Variants in TELO2 observed in about 807,000 individuals in gnomAD.
The protein encoded by TELO2 is telomere length regulation protein TEL2 homolog.
TELO2 carries 71 observed loss-of-function variants against 91.0 expected under a neutral mutation model. The ratio of observed to expected loss-of-function variants is 0.78; its 90% CI spans 0.64 to 0.95. TELO2 has a LOEUF of 0.95. Ranked by LOEUF, TELO2 falls within the 40% of genes least tolerant of loss-of-function variation. The probability of loss-of-function intolerance (pLI) is 0.00; values close to 1 mark genes in which losing one functional copy is unlikely to be tolerated. For missense variants in TELO2, 1,183 were observed against 1,141.3 expected (o/e 1.04, Z -0.53); for synonymous variants, 584 against 518.9 (o/e 1.13, Z -1.71).
chr16:1,494,118 G>A lies in TELO2; in HGVS notation c.-36-128G>A, dbSNP rs2039395656. 1.6e-6 allele frequency: 1 copy of A among 634,156 alleles called. No individual in the cohort carries two copies. The highest frequency in any genetic ancestry group is 2.0e-5 in the South Asian group (1 of 50,916). The allele number at this position is 634,156 out of a possible 1,614,324, so 39.3% of individuals were successfully genotyped here. On this transcript the variant is annotated intron_variant, in intron 1 of 20. Transcript: ENST00000262319. The surrounding 1 kb of genome is among the most constrained non-coding windows in gnomAD (Gnocchi z 5.6). The stretch of plus-strand genomic sequence containing the variant: ...AAACCGGCAGGCACTGGAGGGGAAG[G>A]AGGCGGGACAGGGTTGGGTGGGACC...
In TELO2 at chr16:1,497,205, AG is replaced by A; in HGVS notation, c.682+104del. 1.9e-6 allele frequency: 3 copies of A among 1,544,908 alleles called. No individual in the cohort carries two copies. The South Asian group carries it at 3.5e-5, about 18-fold the overall frequency. On this transcript the variant is annotated intron_variant, in intron 4 of 20. Coordinates refer to ENST00000262319, the MANE Select transcript of TELO2 (RefSeq NM_016111.4). This position sits in a 1 kb window ranked among gnomAD's most constrained non-coding sequence, Gnocchi z 4.0. ...ATCCCTCCTGACCCTGGCCCTCTGC[AG>A]GGTCCCCTTGCCCGGTCCTGTCCTG...
intron 10 of TELO2, 47 bp from the exon 11 acceptor site, chr16:1,501,616 A>G (rs2039682489): frequency 1.3e-6 from 2 of 1,578,876 alleles, no homozygotes; most frequent in South Asian, 1.1e-5. Context: ...CTGAGACCAG[A>G]GGCTCGAGGG....
At chr16:1,496,990 G>C (rs2039515121) in intron 3 of TELO2, 46 bp from the exon 4 acceptor site, 2 of 1,593,210 alleles carry the variant, frequency 1.3e-6, no homozygotes. Flanking sequence ...ATGTTCTTTT[G>C]TGCCTTCCCG....
At chr16:1,506,402 T>A (rs1387877390) in intron 17 of TELO2, 73 bp downstream of exon 17, 7 of 1,611,224 alleles carry the variant, frequency 4.3e-6, no homozygotes, top group South Asian at 2.2e-5. Flanking sequence ...GCCAAGAAGT[T>A]CGGGCTGGGA....
chr16:1,506,733 G>C (rs911066830), intron 17 of TELO2: 42 of 1,396,820 alleles, frequency 3.0e-5, no homozygotes, highest in Non-Finnish European at 3.8e-5. Flanking sequence ...GGGGGTCTCG[G>C]CGTTGGGAAC....
rs761788761 is a variant in TELO2 at position 1,497,431 on chromosome 16, C to T, written c.753C>T (p.Val251=). The part of the protein sequence containing the change: ...LTQGSYLHQR[V]CWRLVEQVPD... ...AGGGCAGCTACCTGCACCAGCGCGT[C>T]TGCTGGCGCCTGGTGGAGCAAGTGC... The change falls in exon 5 of 21, where the codon GTC becomes GTT. Residue 251 remains valine, a synonymous_variant. Transcript: ENST00000262319. This position sits in a 1 kb window ranked among gnomAD's most constrained non-coding sequence, Gnocchi z 4.0. The T allele has an allele frequency of 6.4e-6, 10 of 1,561,240 alleles. No individual in the cohort carries two copies. In the Middle Eastern group the frequency reaches 1.4e-3, roughly 211 times the overall value.
Position 1,505,258 on chromosome 16 carries a change from G to C in TELO2, c.1843-152G>C, listed in dbSNP as rs934718353. On this transcript the variant is annotated intron_variant, in intron 15 of 20. Transcript: ENST00000262319. The surrounding 1 kb of genome is among the most constrained non-coding windows in gnomAD (Gnocchi z 4.3). ...CCAAGGCGCGGTTGCTGTGAGCTAC[G>C]GGGAAGTGACTTTTCTCCTTGTTCC... The C allele has an allele frequency of 3.1e-5, 28 of 894,226 alleles. No homozygotes were observed. The African/African-American group carries it at 4.0e-4, about 13-fold the overall frequency. 55.4% of individuals were successfully genotyped at this position (894,226 alleles called of 1,614,324 possible). A position where few individuals can be genotyped will look rare whatever the true frequency, so the allele number is the denominator to read the frequency against.
chr16:1,500,793 G>C, intron 9 of TELO2, 94 bp downstream of exon 9: 4 of 1,529,162 alleles, frequency 2.6e-6, no homozygotes, highest in Non-Finnish European at 3.5e-6. Context: ...CTCTTCCCGG[G>C]GTCCAGACTT....
At position 1,497,208 on chromosome 16, in the gene TELO2, G is replaced by T. The variant is rs1355893909; in HGVS notation, c.682+104G>T. ...CCTCCTGACCCTGGCCCTCTGCAGGGTCCCCTTGCCCGGTCCTGTCCTGGG... is the reference window on the plus strand; with the variant it reads ...CCTCCTGACCCTGGCCCTCTGCAGGTTCCCCTTGCCCGGTCCTGTCCTGGG... On this transcript the variant is annotated intron_variant, in intron 4 of 20. Coordinates refer to ENST00000262319, the MANE Select transcript of TELO2 (RefSeq NM_016111.4). This position sits in a 1 kb window ranked among gnomAD's most constrained non-coding sequence, Gnocchi z 4.0. The T allele has an allele frequency of 6.5e-7, 1 of 1,537,496 alleles. No homozygotes were observed. Among genetic ancestry groups the T allele is most frequent in the African/African-American group, 1.4e-5 (1 of 72,968 alleles).
chr16:1,497,192 C>T lies in TELO2; in HGVS notation c.682+88C>T. ...CAGAAGGCCGAGAATCCCTCCTGACCCTGGCCCTCTGCAGGGTCCCCTTGC... is the reference window on the plus strand; with the variant it reads ...CAGAAGGCCGAGAATCCCTCCTGACTCTGGCCCTCTGCAGGGTCCCCTTGC... On this transcript the variant is annotated intron_variant, in intron 4 of 20. Transcript: ENST00000262319. The surrounding 1 kb of genome is among the most constrained non-coding windows in gnomAD (Gnocchi z 4.0). The T allele has an allele frequency of 1.3e-6, 2 of 1,564,742 alleles. No individual in the cohort carries two copies. Among genetic ancestry groups the T allele is most frequent in the East Asian group, 2.3e-5 (1 of 43,022 alleles).
chr16:1,501,999 T>G (rs1387808099), intron 11 of TELO2, 48 bp from the exon 12 acceptor site: 1 of 1,611,020 alleles, frequency 6.2e-7, no homozygotes, highest in Non-Finnish European at 8.5e-7. Flanking sequence ...GTTGGGCACT[T>G]CCTGTCACAG....
At chr16:1,507,855 T>TGTGTGTGTGGGG in intron 20 of TELO2, 139 bp downstream of exon 20, 1 of 23,438 alleles carries the variant, frequency 4.3e-5, no homozygotes. Flanking sequence ...CCGGGGTGTG[T>TGTGTGTGTGGGG]GTGTGTGTGT....
At chr16:1,508,752 G>A (rs1048425734) in intron 20 of TELO2, among the ~76,000 whole-genome samples, 5 of 152,176 alleles carry the variant, frequency 3.3e-5, no homozygotes, top group African/African-American at 7.2e-5. Context: ...TGGAGCCAAC[G>A]AGTCCCCGGG....
At chr16:1,499,465 T>C in intron 6 of TELO2, 132 bp downstream of exon 6, 1 of 986,842 alleles carries the variant, frequency 1.0e-6, no homozygotes, top group Non-Finnish European at 1.6e-6. Context: ...TGGCAGGAGT[T>C]GGCGAGGCGG....
chr16:1,499,464 T>C, intron 6 of TELO2, 131 bp downstream of exon 6: 2 of 997,492 alleles, frequency 2.0e-6, no homozygotes, highest in Non-Finnish European at 3.1e-6. Context: ...CTGGCAGGAG[T>C]TGGCGAGGCG....
At chr16:1,496,226 C>T (rs11248880) in intron 3 of TELO2, among the ~76,000 whole-genome samples, 5,201 of 152,306 alleles carry the variant, frequency 0.034, 311 homozygotes, top group African/African-American at 0.12. Context: ...GCCCCGACCT[C>T]GTTCTGAAAC....
At chr16:1,500,732 G>A (rs1260593171) in intron 9 of TELO2, 33 bp downstream of exon 9, 1 of 1,605,980 alleles carries the variant, frequency 6.2e-7, no homozygotes, top group African/African-American at 1.3e-5. Context: ...GTCCCCGTGT[G>A]GCTGGCCCGG....
rs1306257721 is a variant in TELO2 at position 1,497,290 on chromosome 16, T to C, written c.683-71T>C. The C allele has an allele frequency of 1.3e-6, 2 of 1,498,284 alleles. No individual in the cohort carries two copies. Among genetic ancestry groups the C allele is most frequent in the Non-Finnish European group, 1.8e-6 (2 of 1,117,170 alleles). 92.8% of individuals were successfully genotyped at this position (1,498,284 alleles called of 1,614,324 possible). Reference sequence around the variant, plus strand: ...TGGGGAGCTGTGGGACTGTCCTTGCTGGACCCACACAGCCCCAGACACCAG... The same window carrying C: ...TGGGGAGCTGTGGGACTGTCCTTGCCGGACCCACACAGCCCCAGACACCAG... On this transcript the variant is annotated intron_variant, in intron 4 of 20. Coordinates refer to ENST00000262319, the MANE Select transcript of TELO2 (RefSeq NM_016111.4). The surrounding 1 kb of genome is among the most constrained non-coding windows in gnomAD (Gnocchi z 4.0).
intron 11 of TELO2, 96 bp downstream of exon 11, chr16:1,501,869 G>A: frequency 7.5e-6 from 11 of 1,458,394 alleles, no homozygotes; most frequent in African/African-American, 2.8e-5. Flanking sequence ...CTCCCTGCCT[G>A]CTCCGTGCTT....
Sources: gnomAD v4.1 joint callset for allele counts (sites outside exome capture counted in the v4.1 genomes callset) on GRCh38, gnomAD v4.1.1 for gene constraint, Gnocchi (gnomAD v3.1) non-coding constraint, MANE v1.5 for transcripts, NCBI Gene and HGNC (gene_info 2026-07-23, HGNC 2026-07-21) for gene names.